The following USP39 variants were observed in gnomAD, a reference collection of about 807,000 sequenced individuals.
The protein encoded by USP39 is ubiquitin carboxyl-terminal hydrolase 39.
Under a neutral mutation model 66.4 loss-of-function variants are expected in USP39, and 38 were observed. That is an observed-to-expected ratio of 0.57 (90% CI 0.44 to 0.75). The LOEUF (loss-of-function observed/expected upper bound fraction) is 0.75. Among genes scored for constraint, USP39 ranks in the 30% least tolerant of loss-of-function variants. The probability of loss-of-function intolerance (pLI) is 0.00; values close to 1 mark genes in which losing one functional copy is unlikely to be tolerated. For synonymous variants in USP39, 303 were observed against 274.6 expected (o/e 1.10, Z -1.02); for missense variants, 608 against 714.4 (o/e 0.85, Z 1.70).
Position 85,648,008 on chromosome 2 carries a change from T to C in USP39, c.1642T>C (p.Tyr548His). 6.2e-7 allele frequency: 1 copy of C among 1,614,102 alleles called. No individual in the cohort carries two copies. The highest frequency in any genetic ancestry group is 8.5e-7 in the Non-Finnish European group (1 of 1,180,002). The change falls in exon 12 of 13, where the codon TAC (tyrosine) becomes CAC (histidine). Residue 548 changes from tyrosine (Y) to histidine (H), a missense_variant. By Grantham distance (83) the Tyr-to-His change is moderately conservative. Transcript: ENST00000323701. ...CCAGATGATCACACTGTCAGAGGCT[T>C]ACATTCAGGTGGGTTGGCCACAGGC... ...LPQMITLSEA[Y>H]IQIWKRRDND...
upstream of USP39, chr2:85,612,372 T>A: frequency 6.5e-7 from 1 of 1,535,886 alleles, no homozygotes; most frequent in Non-Finnish European, 8.7e-7. Flanking sequence ...AATAGGATGC[T>A]GTGCAATCCA....
upstream of USP39, chr2:85,610,485 T>C (rs1428150817): frequency 6.6e-6 from 1 of 152,250 alleles, no homozygotes; most frequent in African/African-American, 2.4e-5. Context: ...AAATCCAGGC[T>C]CTGCCATTTA....
intron 9 of USP39, among the ~76,000 whole-genome samples, chr2:85,640,381 C>T (rs578261580): frequency 2.8e-4 from 43 of 151,672 alleles, no homozygotes; most frequent in Middle Eastern, 3.4e-3. Context: ...CTCCACCTCC[C>T]GGGTTCAAGC....
chr2:85,604,643 C>T (rs549892741), intron 1 of USP39, among the ~76,000 whole-genome samples: 3 of 152,314 alleles, frequency 2.0e-5, no homozygotes, highest in African/African-American at 2.4e-5. Context: ...GCTCACCTGC[C>T]GCTGGCTATG....
Position 85,620,478 on chromosome 2 carries a change from CA to C in USP39, c.339-995del, listed in dbSNP as rs920088762. Among the ~76,000 whole-genome samples the C allele has an allele frequency of 8.9e-4, 118 of 132,862 alleles. 1 individual carries two copies. The highest frequency in any genetic ancestry group is 5.8e-3 in the East Asian group (27 of 4,656). 87.2% of individuals were successfully genotyped at this position (132,862 alleles called of 152,430 possible). A position where few individuals can be genotyped will look rare whatever the true frequency, so the allele number is the denominator to read the frequency against. ...TGGATGACAAAGTGAGACCCTATCT[CA>C]AAAAAAAAAAACCAAAAAAGTTATA... On this transcript the variant is annotated intron_variant, in intron 2 of 12. Coordinates refer to ENST00000323701, the MANE Select transcript of USP39 (RefSeq NM_006590.4).
chr2:85,642,869 GT>G (rs1198233255), intron 10 of USP39, among the ~76,000 whole-genome samples: 4 of 152,102 alleles, frequency 2.6e-5, no homozygotes, highest in Non-Finnish European at 5.9e-5. Context: ...TTGAGGGCAG[GT>G]TTAAAGTTTC....
Position 85,641,098 on chromosome 2 carries a change from T to G in USP39, c.1407T>G (p.Thr469=). The change falls in exon 10 of 13, where the codon ACT becomes ACG. Residue 469 remains threonine (T), a synonymous_variant. Transcript: ENST00000323701. ...KNNFFVEKNP[T]IVNFPITNVD... is the part of the protein sequence containing the mutation. ...ACTTCTTTGTTGAGAAGAATCCAAC[T>G]ATTGTCAATTTCCCTATTACGTAAG... 1 of 1,612,964 alleles carries G rather than the reference T, an allele frequency of 6.2e-7. No individual in the cohort carries two copies. Among genetic ancestry groups the G allele is most frequent in the Non-Finnish European group, 8.5e-7 (1 of 1,179,702 alleles).
chr2:85,612,025 CCAA>C (rs1255385804), upstream of USP39: 8 of 1,362,884 alleles, frequency 5.9e-6, no homozygotes, highest in East Asian at 7.6e-5. Context: ...CTCGACGGCC[CCAA>C]CAACAGCCAC....
At chr2:85,616,606 G>C (rs1385849675) in intron 1 of USP39, 143 bp downstream of exon 1, 7 of 1,327,308 alleles carry the variant, frequency 5.3e-6, no homozygotes, top group Non-Finnish European at 5.9e-6. Flanking sequence ...ATCCAGACTC[G>C]ACGATTCTGC....
upstream of USP39, chr2:85,612,405 T>A: frequency 6.6e-7 from 1 of 1,522,222 alleles, no homozygotes; most frequent in South Asian, 1.2e-5. Context: ...TGACTTTGGC[T>A]GACTGTGTAA....
At chr2:85,606,577 T>A (rs1172919456) in intron 1 of USP39, 2 of 152,190 alleles carry the variant, frequency 1.3e-5, no homozygotes, top group Non-Finnish European at 2.9e-5. Context: ...CTTAATACAG[T>A]CACACTGCAT....
intron 3 of USP39, among the ~76,000 whole-genome samples, chr2:85,623,158 G>T (rs1674590837): frequency 6.6e-6 from 1 of 152,080 alleles, no homozygotes; most frequent in Non-Finnish European, 1.5e-5. Context: ...GTAGCAACAT[G>T]AAAAAAGTTA....
intron 10 of USP39, among the ~76,000 whole-genome samples, chr2:85,644,103 G>A (rs1358741779): frequency 6.6e-6 from 1 of 152,138 alleles, no homozygotes; most frequent in South Asian, 2.1e-4. Context: ...TTACCACATG[G>A]TTTACATTTT....
At chr2:85,641,894 A>AGTGTGACT (rs1676252492) in intron 10 of USP39, among the ~76,000 whole-genome samples, 2 of 135,940 alleles carry the variant, frequency 1.5e-5, no homozygotes, top group Non-Finnish European at 3.1e-5. Context: ...TGGGTGACAG[A>AGTGTGACT]GTGTGACTGT....
chr2:85,610,132 A>G (rs1328246597), upstream of USP39: 1 of 149,750 alleles, frequency 6.7e-6, no homozygotes, highest in Admixed American at 6.7e-5. Context: ...CTCCTTCCTC[A>G]GCCTCCCAAG....
upstream of USP39, chr2:85,611,635 C>CG: frequency 6.4e-7 from 1 of 1,564,608 alleles, no homozygotes. Context: ...GAAGAGCGCG[C>CG]GGGCTGGAGG....
chr2:85,632,767 A>G (rs1172729901), intron 6 of USP39, among the ~76,000 whole-genome samples: 1 of 151,980 alleles, frequency 6.6e-6, no homozygotes. Flanking sequence ...TTTTTAAGAA[A>G]AGGTAATTAC....
At chr2:85,637,471 A>G (rs377182021) in intron 8 of USP39, 35 bp downstream of exon 8, 8 of 1,607,436 alleles carry the variant, frequency 5.0e-6, no homozygotes, top group Non-Finnish European at 6.8e-6. Flanking sequence ...GGACTGATTC[A>G]TATTGCTTGA....
Position 85,649,013 on chromosome 2 carries a change from CT to C in USP39, c.*206del, listed in dbSNP as rs1388913642. The C allele has an allele frequency of 3.2e-6, 2 of 632,600 alleles. No homozygotes were observed. The highest frequency in any genetic ancestry group is 3.7e-5 in the African/African-American group (2 of 54,620). The allele number at this position is 632,600 out of a possible 1,614,324, so 39.2% of individuals were successfully genotyped here. Reference sequence around the variant, plus strand: ...TCAGCTGTTCTTTGATCATTTTTTTCTAGATTGATGCTCCTTTCTCCCATGC... The same window carrying C: ...TCAGCTGTTCTTTGATCATTTTTTTCAGATTGATGCTCCTTTCTCCCATGC... On this transcript the variant is annotated 3_prime_UTR_variant, in exon 13 of 13. Transcript: ENST00000323701.
Sources: gnomAD v4.1 joint callset for allele counts (sites outside exome capture counted in the v4.1 genomes callset) on GRCh38, gnomAD v4.1.1 for gene constraint, MANE v1.5 for transcripts, NCBI Gene and HGNC (gene_info 2026-07-23, HGNC 2026-07-21) for gene names.